Variants in ACTL6B observed in about 807,000 individuals in gnomAD.
ACTL6B encodes the protein actin like 6B.
Under a neutral mutation model 63.3 loss-of-function variants are expected in ACTL6B, and 48 were observed. The ratio of observed to expected loss-of-function variants is 0.76; its 90% confidence interval spans 0.60 to 0.96. The LOEUF (loss-of-function observed/expected upper bound fraction) is 0.96. Among genes scored for constraint, ACTL6B ranks in the 50% least tolerant of loss-of-function variants. The pLI, the probability that ACTL6B is intolerant of heterozygous loss-of-function variation, is 0.00. For missense variants in ACTL6B, 350 were observed against 572.2 expected (o/e 0.61, Z 3.96); for synonymous variants, 230 against 223.8 (o/e 1.03, Z -0.25).
intron 13 of ACTL6B, among the ~76,000 whole-genome samples, chr7:100,644,605 G>T (rs938880203): frequency 6.6e-6 from 1 of 152,062 alleles, no homozygotes; most frequent in African/African-American, 2.4e-5. Context: ...GCGCCACATT[G>T]CCAGTTGCTT....
chr7:100,653,082 T>A (rs1030939285), intron 4 of ACTL6B, among the ~76,000 whole-genome samples: 1 of 138,582 alleles, frequency 7.2e-6, no homozygotes, highest in Non-Finnish European at 1.5e-5. Context: ...AAACAAAAAG[T>A]TGCACAAGAA....
intron 5 of ACTL6B, among the ~76,000 whole-genome samples, chr7:100,649,611 T>C (rs1803894433): frequency 6.6e-6 from 1 of 152,178 alleles, no homozygotes; most frequent in Non-Finnish European, 1.5e-5. Flanking sequence ...CCCTTTATTT[T>C]TGGTTGTGTC....
chr7:100,647,766 T>G lies in ACTL6B; in HGVS notation c.670-233A>C. 1 of 508,398 alleles carries G rather than the reference T, an allele frequency of 2.0e-6. No homozygotes were observed. Among genetic ancestry groups the G allele is most frequent in the Non-Finnish European group, 3.5e-6 (1 of 287,590 alleles). 31.5% of individuals were successfully genotyped at this position (508,398 alleles called of 1,614,324 possible). A position where few individuals can be genotyped will look rare whatever the true frequency, so the allele number is the denominator to read the frequency against. On this transcript the variant is annotated intron_variant, in intron 7 of 13. Coordinates refer to ENST00000160382, the MANE Select transcript of ACTL6B (RefSeq NM_016188.5). This position sits in a 1 kb window ranked among gnomAD's most constrained non-coding sequence, Gnocchi z 4.4. ...CAGCTGATCTGGAGAACACCAGGAATACAGCAGTGACAGAACCTCAAGGGA... is the reference window on the plus strand; with the variant it reads ...CAGCTGATCTGGAGAACACCAGGAAGACAGCAGTGACAGAACCTCAAGGGA...
chr7:100,649,872 C>G, intron 5 of ACTL6B, 166 bp downstream of exon 5: 1 of 606,746 alleles, frequency 1.6e-6, no homozygotes, highest in Non-Finnish European at 2.9e-6. Flanking sequence ...CGGAGGTGCT[C>G]AGTCCACTGG....
Position 100,646,702 on chromosome 7 carries a change from C to A in ACTL6B, c.1017+49G>T. On this transcript the variant is annotated intron_variant, in intron 11 of 13. Transcript: ENST00000160382. This position sits in a 1 kb window ranked among gnomAD's most constrained non-coding sequence, Gnocchi z 6.1. ...GGGCAGCCCCCCAACCCCGTCTCCC[C>A]ACTTCCCCTGGGCCCCTTTGCCGAG... 6.2e-7 allele frequency: 1 copy of A among 1,613,222 alleles called. No individual in the cohort carries two copies. Among genetic ancestry groups the A allele is most frequent in the Non-Finnish European group, 8.5e-7 (1 of 1,179,746 alleles).
At chr7:100,652,118 G>T (rs1228282818) in intron 4 of ACTL6B, among the ~76,000 whole-genome samples, 3 of 152,120 alleles carry the variant, frequency 2.0e-5, no homozygotes, top group Admixed American at 1.3e-4. Flanking sequence ...TTGATGAGAG[G>T]CCAGGTGTGG....
intron 13 of ACTL6B, among the ~76,000 whole-genome samples, chr7:100,645,779 G>A (rs1017735430): frequency 6.6e-6 from 1 of 151,956 alleles, no homozygotes; most frequent in East Asian, 1.9e-4. Context: ...TTACAGGCAT[G>A]CACCACCATG....
rs978609785 is a variant in ACTL6B at position 100,648,480 on chromosome 7, A to C, written c.669+76T>G. 5 of 1,268,544 alleles carry C rather than the reference A, an allele frequency of 3.9e-6. No individual in the cohort carries two copies. In the African/African-American group the frequency reaches 7.6e-5, roughly 19 times the overall value. 78.6% of individuals were successfully genotyped at this position (1,268,544 alleles called of 1,614,324 possible). The stretch of plus-strand genomic sequence containing the variant: ...CTGCTGCTCTCTGCTCTGATATCTC[A>C]TGTGTCAGAGGGTTGACGGCCATGG... On this transcript the variant is annotated intron_variant, in intron 7 of 13. Transcript: ENST00000160382. This position sits in a 1 kb window ranked among gnomAD's most constrained non-coding sequence, Gnocchi z 4.4.
rs1804015273 is a variant in ACTL6B at position 100,655,186 on chromosome 7, G to A, written c.269-67C>T. The A allele has an allele frequency of 1.4e-6, 2 of 1,441,852 alleles. No individual in the cohort carries two copies. The highest frequency in any genetic ancestry group is 1.7e-5 in the Admixed American group (1 of 57,946). The allele number at this position is 1,441,852 out of a possible 1,614,324, so 89.3% of individuals were successfully genotyped here. On this transcript the variant is annotated intron_variant, in intron 3 of 13. Coordinates refer to ENST00000160382, the MANE Select transcript of ACTL6B (RefSeq NM_016188.5). The surrounding 1 kb of genome is among the most constrained non-coding windows in gnomAD (Gnocchi z 4.4). ...GCAGGGGACAGGGACAGGAAGAAAA[G>A]GAGGGAGAAAGGCCAAGCCCAAAGG...
In ACTL6B at chr7:100,646,447, T is replaced by G; in HGVS notation, c.1113+104A>C. Reference sequence around the variant, plus strand: ...CACAGGGGCAGGGGTTCTGCTCTGGTGGCCAGAACAGAAGGAAGGACATGG... The same window carrying G: ...CACAGGGGCAGGGGTTCTGCTCTGGGGGCCAGAACAGAAGGAAGGACATGG... On this transcript the variant is annotated intron_variant, in intron 12 of 13. Coordinates refer to ENST00000160382, the MANE Select transcript of ACTL6B (RefSeq NM_016188.5). This position sits in a 1 kb window ranked among gnomAD's most constrained non-coding sequence, Gnocchi z 6.1. 6.5e-7 allele frequency: 1 copy of G among 1,538,852 alleles called. No individual in the cohort carries two copies. Among genetic ancestry groups the G allele is most frequent in the Non-Finnish European group, 9.0e-7 (1 of 1,115,168 alleles).
chr7:100,655,190 G>A lies in ACTL6B; in HGVS notation c.269-71C>T, dbSNP rs1471968536. The A allele has an allele frequency of 1.4e-6, 2 of 1,400,756 alleles. No individual in the cohort carries two copies. Among genetic ancestry groups the A allele is most frequent in the African/African-American group, 2.8e-5 (2 of 70,752 alleles). 86.8% of individuals were successfully genotyped at this position (1,400,756 alleles called of 1,614,324 possible). A position where few individuals can be genotyped will look rare whatever the true frequency, so the allele number is the denominator to read the frequency against. ...GGGACAGGGACAGGAAGAAAAGGAG[G>A]GAGAAAGGCCAAGCCCAAAGGAGGG... On this transcript the variant is annotated intron_variant, in intron 3 of 13. Transcript: ENST00000160382. This position sits in a 1 kb window ranked among gnomAD's most constrained non-coding sequence, Gnocchi z 4.4.
Position 100,646,958 on chromosome 7 carries a change from C to T in ACTL6B, c.936+13G>A. The T allele has an allele frequency of 6.2e-7, 1 of 1,613,626 alleles. No homozygotes were observed. The highest frequency in any genetic ancestry group is 8.5e-7 in the Non-Finnish European group (1 of 1,179,718). On this transcript the variant is annotated intron_variant, in intron 10 of 13. Coordinates refer to ENST00000160382, the MANE Select transcript of ACTL6B (RefSeq NM_016188.5). The surrounding 1 kb of genome is among the most constrained non-coding windows in gnomAD (Gnocchi z 6.1). ...AGCCAGCACCCACCCCAGTCCTCGC[C>T]ACACAGCCAAACCTTGACGTTCGAG...
Position 100,648,832 on chromosome 7 carries a change from G to T in ACTL6B, c.468-9C>A. 6.2e-7 allele frequency: 1 copy of T among 1,612,082 alleles called. No individual in the cohort carries two copies. Among genetic ancestry groups the T allele is most frequent in the Non-Finnish European group, 8.5e-7 (1 of 1,179,368 alleles). ...ACCGCCCGTTTGCAAAGCTGGCATC[G>T]GATGGGTAAGTCAAAGAGACAGCAG... On this transcript the variant is annotated splice_polypyrimidine_tract_variant and intron_variant, in intron 5 of 13. Transcript: ENST00000160382. The surrounding 1 kb of genome is among the most constrained non-coding windows in gnomAD (Gnocchi z 4.4).
intron 5 of ACTL6B, among the ~76,000 whole-genome samples, chr7:100,649,231 A>G (rs894416838): frequency 3.3e-5 from 5 of 151,252 alleles, no homozygotes; most frequent in Admixed American, 1.3e-4. Context: ...TGACCTCGTG[A>G]TCTGCCCGCC....
At chr7:100,656,208 G>T in intron 1 of ACTL6B, 122 bp downstream of exon 1, 1 of 1,199,752 alleles carries the variant, frequency 8.3e-7, no homozygotes. Context: ...CGGGAGACCC[G>T]AGCCTGAGAC....
intron 5 of ACTL6B, among the ~76,000 whole-genome samples, chr7:100,649,171 T>C (rs1224883905): frequency 6.6e-6 from 1 of 151,170 alleles, no homozygotes. Context: ...TTTTCGTATT[T>C]TTAGTAGAGA....
chr7:100,650,247 CCAAA>C, intron 4 of ACTL6B, 112 bp from the exon 5 acceptor site: 2 of 824,072 alleles, frequency 2.4e-6, no homozygotes, highest in Non-Finnish European at 4.0e-6. Flanking sequence ...ACACACACAT[CCAAA>C]CACTTGCACA....
At chr7:100,656,306 G>A in intron 1 of ACTL6B, 24 bp downstream of exon 1, 2 of 1,380,538 alleles carry the variant, frequency 1.4e-6, no homozygotes, top group Non-Finnish European at 1.9e-6. Context: ...GGCTGCGGGA[G>A]CCGGGGGCCC....
At position 100,647,433 on chromosome 7, in the gene ACTL6B, C is replaced by T; in HGVS notation, c.759+11G>A. ...GAGGGGGGTTTCAGGTGGCCCTCTC[C>T]AGAGGCTCACATTACACATGTAGTT... On this transcript the variant is annotated intron_variant, in intron 8 of 13. Coordinates refer to ENST00000160382, the MANE Select transcript of ACTL6B (RefSeq NM_016188.5). This position sits in a 1 kb window ranked among gnomAD's most constrained non-coding sequence, Gnocchi z 4.4. 1 of 1,612,068 alleles carries T rather than the reference C, an allele frequency of 6.2e-7. No individual in the cohort carries two copies. The highest frequency in any genetic ancestry group is 1.1e-5 in the South Asian group (1 of 90,886).
Sources: gnomAD v4.1 joint callset for allele counts (sites outside exome capture counted in the v4.1 genomes callset) on GRCh38, gnomAD v4.1.1 for gene constraint, Gnocchi (gnomAD v3.1) non-coding constraint, MANE v1.5 for transcripts, NCBI Gene and HGNC (gene_info 2026-07-23, HGNC 2026-07-21) for gene names.